Variants in ROR1 observed in about 807,000 individuals in gnomAD.
ROR1 encodes the protein ROR family WNT receptor 1.
ROR1 carries 19 observed loss-of-function variants against 78.8 expected under a neutral mutation model. The ratio of observed to expected loss-of-function variants is 0.24; its 90% CI spans 0.17 to 0.35. ROR1 has a LOEUF of 0.35. Ranked by LOEUF, ROR1 falls within the 10% of genes least tolerant of loss-of-function variation. ROR1 has a pLI of 1.00. For synonymous variants in ROR1, 386 were observed against 433.6 expected, an observed-to-expected ratio of 0.89 and a Z score of 1.36; for missense variants, 917 against 1,177.8, an observed-to-expected ratio of 0.78 and a Z score of 3.24.
At chr1:63,787,620 A>G (rs1339871850) in intron 1 of ROR1, among the ~76,000 whole-genome samples, 2 of 150,668 alleles carry the variant, frequency 1.3e-5, no homozygotes, top group African/African-American at 4.9e-5. Context: ...TCCGCCTCCC[A>G]GGTTCAAGCA....
chr1:64,175,053 T>G (rs1650342174), intron 8 of ROR1, among the ~76,000 whole-genome samples: 1 of 150,960 alleles, frequency 6.6e-6, no homozygotes, highest in Admixed American at 6.6e-5. Context: ...AAATAGTAAT[T>G]TAATAAATTA....
chr1:64,046,618 CCAGA>C (rs924932402), intron 2 of ROR1, among the ~76,000 whole-genome samples: 9 of 152,208 alleles, frequency 5.9e-5, no homozygotes, highest in African/African-American at 2.2e-4. Context: ...GGCCCATTAA[CCAGA>C]CAGTCTTGGC....
At chr1:63,946,361 A>G (rs191483488) in intron 1 of ROR1, among the ~76,000 whole-genome samples, 483 of 152,270 alleles carry the variant, frequency 3.2e-3, no homozygotes, top group Admixed American at 8.5e-3. Flanking sequence ...TTTTTCCCCA[A>G]TGTCTGTTTA....
chr1:64,020,337 A>C (rs1429809105), intron 2 of ROR1, among the ~76,000 whole-genome samples: 1 of 152,212 alleles, frequency 6.6e-6, no homozygotes, highest in African/African-American at 2.4e-5. Context: ...CTTTGTAATA[A>C]AATGTCTTAG....
chr1:63,920,244 A>C (rs1049584765), intron 1 of ROR1, among the ~76,000 whole-genome samples: 6 of 152,194 alleles, frequency 3.9e-5, no homozygotes, highest in African/African-American at 1.4e-4. Context: ...ATTAAACAAC[A>C]AAACAGCACC....
chr1:64,079,814 T>G (rs931409768), intron 4 of ROR1, among the ~76,000 whole-genome samples: 11 of 145,038 alleles, frequency 7.6e-5, no homozygotes, highest in African/African-American at 2.9e-4. Context: ...TTTATGCAGT[T>G]TAAGAACTGT....
intron 1 of ROR1, among the ~76,000 whole-genome samples, chr1:63,892,767 T>C (rs544280049): frequency 6.6e-6 from 1 of 152,258 alleles, no homozygotes; most frequent in Non-Finnish European, 1.5e-5. Flanking sequence ...GGCTTTCTCA[T>C]CTGCAGAGTG....
intron 1 of ROR1, among the ~76,000 whole-genome samples, chr1:63,931,230 C>T (rs149464299): frequency 1.3e-5 from 2 of 152,238 alleles, no homozygotes; most frequent in South Asian, 2.1e-4. Flanking sequence ...TGCAGTGAGC[C>T]GAGATGGCGC....
chr1:63,783,954 A>G (rs529464761), intron 1 of ROR1, among the ~76,000 whole-genome samples: 1 of 152,308 alleles, frequency 6.6e-6, no homozygotes, highest in Admixed American at 6.5e-5. Flanking sequence ...AGAGAGTTAA[A>G]TGGGAAAACT....
At chr1:63,796,997 T>G (rs1644765400) in intron 1 of ROR1, among the ~76,000 whole-genome samples, 1 of 152,214 alleles carries the variant, frequency 6.6e-6, no homozygotes, top group African/African-American at 2.4e-5. Context: ...AGTGATTTTT[T>G]GATGTTCTAT....
chr1:64,121,676 A>G (rs1435870121), intron 4 of ROR1, among the ~76,000 whole-genome samples: 1 of 151,860 alleles, frequency 6.6e-6, no homozygotes, highest in African/African-American at 2.4e-5. Flanking sequence ...TTGTTTTTAT[A>G]TTATCCACAG....
At chr1:63,927,688 G>A (rs1645716649) in intron 1 of ROR1, among the ~76,000 whole-genome samples, 1 of 152,226 alleles carries the variant, frequency 6.6e-6, no homozygotes, top group South Asian at 2.1e-4. Context: ...CACACCACTA[G>A]TAATTGGTGG....
chr1:63,864,201 A>G (rs1174083206), intron 1 of ROR1, among the ~76,000 whole-genome samples: 1 of 152,210 alleles, frequency 6.6e-6, no homozygotes, highest in Admixed American at 6.5e-5. Context: ...CTATTAAGAG[A>G]TGGAGGCAGG....
chr1:64,091,977 A>G (rs1427801067), intron 4 of ROR1, among the ~76,000 whole-genome samples: 1 of 152,134 alleles, frequency 6.6e-6, no homozygotes, highest in Non-Finnish European at 1.5e-5. Flanking sequence ...TCAGTGAACA[A>G]ATAGCCATTT....
intron 1 of ROR1, among the ~76,000 whole-genome samples, chr1:64,001,590 C>A (rs1021932595): frequency 6.6e-6 from 1 of 152,134 alleles, no homozygotes; most frequent in Non-Finnish European, 1.5e-5. Context: ...CTTTACACAG[C>A]TTTTGATGTC....
intron 2 of ROR1, among the ~76,000 whole-genome samples, chr1:64,049,375 T>C (rs1314624008): frequency 1.3e-5 from 2 of 152,180 alleles, no homozygotes; most frequent in African/African-American, 4.8e-5. Flanking sequence ...TCTTTTGCTA[T>C]GCTGGAATTT....
intron 1 of ROR1, among the ~76,000 whole-genome samples, chr1:63,793,005 A>G (rs1405140285): frequency 6.6e-6 from 1 of 152,244 alleles, no homozygotes; most frequent in Non-Finnish European, 1.5e-5. Flanking sequence ...CCTCAGACCC[A>G]GAATCTTATG....
Position 63,807,182 on chromosome 1 carries a change from G to A in ROR1, c.91+32674G>A, listed in dbSNP as rs186971948. ...CTGAGACTCTCCATGGCAACCTGCA[G>A]CTAATCTCTGCCCTTCTGCCACTTC... On this transcript the variant is annotated intron_variant, in intron 1 of 8. Transcript: ENST00000371079. 9.8e-4 allele frequency among the ~76,000 whole-genome samples: 150 copies of A among 152,332 alleles called. No individual in the cohort carries two copies. In the Middle Eastern group the frequency reaches 0.02, roughly 21 times the overall value.
intron 1 of ROR1, among the ~76,000 whole-genome samples, chr1:63,911,816 A>T (rs1435067077): frequency 6.6e-6 from 1 of 152,204 alleles, no homozygotes; most frequent in African/African-American, 2.4e-5. Context: ...TTGGACCTGT[A>T]CAAGAGATAT....
Sources: gnomAD v4.1 joint callset for allele counts (sites outside exome capture counted in the v4.1 genomes callset) on GRCh38, gnomAD v4.1.1 for gene constraint, MANE v1.5 for transcripts, NCBI Gene and HGNC (gene_info 2026-07-23, HGNC 2026-07-21) for gene names.